The following COL5A2 variants were observed in gnomAD, a reference collection of about 807,000 sequenced individuals.
COL5A2 encodes collagen alpha-2(V) chain.
Under a neutral mutation model 208.2 loss-of-function variants are expected in COL5A2, and 23 were observed. The observed-to-expected ratio is 0.11, with a 90% confidence interval of 0.08 to 0.16. The LOEUF (loss-of-function observed/expected upper bound fraction) is 0.16. Ranked by LOEUF, COL5A2 falls within the 10% of genes least tolerant of loss-of-function variation. The probability of loss-of-function intolerance (pLI) is 1.00; values close to 1 mark genes in which losing one functional copy is unlikely to be tolerated. For missense variants in COL5A2, 1,590 were observed against 1,956.4 expected (o/e 0.81, Z 3.53); for synonymous variants, 625 against 628.5 (o/e 0.99, Z 0.08).
intron 3 of COL5A2, among the ~76,000 whole-genome samples, chr2:189,102,863 T>C (rs1455785635): frequency 1.3e-5 from 2 of 152,100 alleles, no homozygotes; most frequent in Non-Finnish European, 2.9e-5. Flanking sequence ...TTTCTGATGA[T>C]ACCTGATGAC....
chr2:189,064,615 G>C lies in COL5A2; in HGVS notation c.1658C>G (p.Pro553Arg), dbSNP rs149203102. Residue 553 changes from proline (P) to arginine (R), a missense_variant, in exon 25 of 54, where the codon CCC becomes CGC. Pro to Arg is a moderately radical substitution (Grantham distance 103). Transcript: ENST00000374866. The part of the protein sequence containing the change: ...GERGPVGSSG[P>R]KGSQGDPGRP... ...TCCTGGATCCCCCTGGCTTCCTTTG[G>C]GTCCTGAAGAACCTACAGGACCCCG... 17 of 1,613,724 alleles carry C rather than the reference G, an allele frequency of 1.1e-5. No homozygotes were observed. Among genetic ancestry groups the C allele is most frequent in the Non-Finnish European group, 1.4e-5 (16 of 1,179,954 alleles).
intron 1 of COL5A2, among the ~76,000 whole-genome samples, chr2:189,209,951 G>A (rs1159684454): frequency 6.6e-6 from 1 of 152,156 alleles, no homozygotes; most frequent in Non-Finnish European, 1.5e-5. Context: ...GAATAAAGAG[G>A]TTACATGAAG....
At chr2:189,433,212 G>C in the COL5A2 span, among the ~76,000 whole-genome samples, 1 of 152,080 alleles carries the variant, frequency 6.6e-6, no homozygotes, top group African/African-American at 2.4e-5. Context: ...AGCACTAAAT[G>C]CCCACAAGAG....
chr2:189,246,504 T>A, the COL5A2 span, among the ~76,000 whole-genome samples: 1 of 152,210 alleles, frequency 6.6e-6, no homozygotes, highest in Non-Finnish European at 1.5e-5. Flanking sequence ...GACATTCCAA[T>A]AAATTAACCA....
At position 189,078,464 on chromosome 2, in the gene COL5A2, A is replaced by G. The variant is rs371171521; in HGVS notation, c.1059+52T>C. On this transcript the variant is annotated intron_variant, in intron 16 of 53. Transcript: ENST00000374866. Reference sequence around the variant, plus strand: ...GCAAGTTCAGTAAACCAAATCTGAAAATGAATTGAAATACACATCTCAGCA... The same window carrying G: ...GCAAGTTCAGTAAACCAAATCTGAAGATGAATTGAAATACACATCTCAGCA... 2.0e-4 allele frequency: 283 copies of G among 1,420,550 alleles called. 1 individual carries two copies. Among genetic ancestry groups the G allele is most frequent in the Non-Finnish European group, 2.5e-4 (254 of 1,003,358 alleles). The allele number at this position is 1,420,550 out of a possible 1,614,324, so 88.0% of individuals were successfully genotyped here.
intron 1 of COL5A2, among the ~76,000 whole-genome samples, chr2:189,171,318 C>T (rs565768517): frequency 1.1e-4 from 16 of 152,148 alleles, no homozygotes; most frequent in Admixed American, 1.0e-3. Flanking sequence ...AAGGTAAATA[C>T]AAAATTAGAT....
At chr2:189,419,006 C>T in the COL5A2 span, among the ~76,000 whole-genome samples, 1 of 152,088 alleles carries the variant, frequency 6.6e-6, no homozygotes, top group African/African-American at 2.4e-5. Flanking sequence ...ATAGTTACCA[C>T]CAAAACCCAA....
intron 29 of COL5A2, among the ~76,000 whole-genome samples, 199 bp from the exon 30 acceptor site, chr2:189,061,814 T>C (rs193002035): frequency 6.6e-6 from 1 of 152,320 alleles, no homozygotes; most frequent in East Asian, 1.9e-4. Context: ...AAATATCTTC[T>C]AAAGCCAGTA....
the COL5A2 span, among the ~76,000 whole-genome samples, chr2:189,328,982 C>A: frequency 5.9e-5 from 9 of 152,146 alleles, no homozygotes; most frequent in Non-Finnish European, 1.2e-4. Context: ...AGCAATCCCA[C>A]TTCTGGGTAT....
intron 1 of COL5A2, among the ~76,000 whole-genome samples, chr2:189,194,292 C>T (rs1215195793): frequency 1.3e-5 from 2 of 152,144 alleles, no homozygotes; most frequent in Non-Finnish European, 2.9e-5. Flanking sequence ...CAAAGTAGCA[C>T]ATGCTTTTCT....
the COL5A2 span, among the ~76,000 whole-genome samples, chr2:189,285,393 A>G: frequency 6.6e-6 from 1 of 152,108 alleles, no homozygotes; most frequent in Non-Finnish European, 1.5e-5. Context: ...CCTCCAGAGA[A>G]AGTTAAGACA....
chr2:189,131,448 T>C (rs186048376), intron 1 of COL5A2, among the ~76,000 whole-genome samples: 35 of 152,326 alleles, frequency 2.3e-4, no homozygotes, highest in Admixed American at 2.0e-3. Context: ...TTAACATTTG[T>C]TTAATTTCTT....
At chr2:189,286,300 T>G in the COL5A2 span, among the ~76,000 whole-genome samples, 10 of 152,276 alleles carry the variant, frequency 6.6e-5, no homozygotes, top group African/African-American at 2.4e-4. Flanking sequence ...TTTGAAACTA[T>G]AGATATTTTT....
chr2:189,243,914 G>A, the COL5A2 span, among the ~76,000 whole-genome samples: 1 of 152,190 alleles, frequency 6.6e-6, no homozygotes, highest in Admixed American at 6.5e-5. Context: ...CCCTACACAA[G>A]TCTGAAATCC....
At chr2:189,036,931 C>T in intron 51 of COL5A2, 128 bp from the exon 52 acceptor site, 2 of 778,386 alleles carry the variant, frequency 2.6e-6, no homozygotes, top group Non-Finnish European at 2.1e-6. Context: ...AGTGAGAGTG[C>T]CCCTTACGAA....
At chr2:189,217,932 A>C (rs746842301) in intron 1 of COL5A2, among the ~76,000 whole-genome samples, 7 of 152,138 alleles carry the variant, frequency 4.6e-5, no homozygotes, top group Non-Finnish European at 1.0e-4. Flanking sequence ...CCTTCAACAA[A>C]GAGCTGCTAT....
chr2:189,245,695 C>G, the COL5A2 span, among the ~76,000 whole-genome samples: 3 of 151,956 alleles, frequency 2.0e-5, no homozygotes, highest in Non-Finnish European at 4.4e-5. Context: ...ACTGTGGTCT[C>G]GATCTCCTGA....
the COL5A2 span, among the ~76,000 whole-genome samples, chr2:189,280,466 T>C: frequency 6.6e-6 from 1 of 152,148 alleles, no homozygotes; most frequent in Admixed American, 6.5e-5. Context: ...CCATTTTTTG[T>C]CTTATTTCTT....
At chr2:189,257,713 T>C in the COL5A2 span, among the ~76,000 whole-genome samples, 1 of 152,210 alleles carries the variant, frequency 6.6e-6, no homozygotes, top group African/African-American at 2.4e-5. Flanking sequence ...GTAATTACCA[T>C]GCATTAATAA....
Sources: allele counts gnomAD v4.1 joint callset (sites outside exome capture counted in the v4.1 genomes callset), GRCh38; gene constraint gnomAD v4.1.1; transcripts MANE v1.5; gene names NCBI Gene and HGNC (gene_info 2026-07-23, HGNC 2026-07-21).